The following KCNIP4 variants were observed in gnomAD, a reference collection of about 807,000 sequenced individuals.
KCNIP4 encodes the protein Kv channel-interacting protein 4.
A neutral mutation model predicts 34.0 loss-of-function variants in KCNIP4; 12 were observed. That is an observed-to-expected ratio of 0.35 (90% confidence interval 0.23 to 0.57). The LOEUF (loss-of-function observed/expected upper bound fraction) is 0.57. Among genes scored for constraint, KCNIP4 ranks in the 20% least tolerant of loss-of-function variants. KCNIP4 has a pLI of 0.83. For synonymous variants in KCNIP4, 124 were observed against 102.2 expected, an observed-to-expected ratio of 1.21 and a Z score of -1.29; for missense variants, 238 against 311.7, an observed-to-expected ratio of 0.76 and a Z score of 1.78.
At chr4:21,885,635 A>G (rs1726721500) in intron 1 of KCNIP4, among the ~76,000 whole-genome samples, 1 of 152,096 alleles carries the variant, frequency 6.6e-6, no homozygotes, top group Non-Finnish European at 1.5e-5. Flanking sequence ...CTTCCCACCA[A>G]ACAACCCTAA....
intron 3 of KCNIP4, among the ~76,000 whole-genome samples, chr4:20,806,681 A>G (rs1207956520): frequency 6.6e-6 from 1 of 152,232 alleles, no homozygotes; most frequent in Non-Finnish European, 1.5e-5. Flanking sequence ...AAATTACTCA[A>G]TATGAACTAA....
At chr4:20,901,824 T>C (rs542246196) in intron 1 of KCNIP4, among the ~76,000 whole-genome samples, 4 of 152,282 alleles carry the variant, frequency 2.6e-5, no homozygotes, top group Admixed American at 6.5e-5. Context: ...CACAGTGAGT[T>C]TGCAGTCATA....
chr4:20,854,944 T>G (rs1210098889), intron 2 of KCNIP4, among the ~76,000 whole-genome samples: 1 of 152,220 alleles, frequency 6.6e-6, no homozygotes, highest in Non-Finnish European at 1.5e-5. Context: ...AGGAATTTTG[T>G]GCCCATAGAT....
chr4:21,398,280 A>C (rs968101422), intron 1 of KCNIP4, among the ~76,000 whole-genome samples: 3 of 152,206 alleles, frequency 2.0e-5, no homozygotes, highest in Non-Finnish European at 2.9e-5. Context: ...TCTTAATTTG[A>C]ATGTTCAGAA....
At chr4:21,514,690 T>C (rs187072030) in intron 1 of KCNIP4, among the ~76,000 whole-genome samples, 66 of 152,044 alleles carry the variant, frequency 4.3e-4, no homozygotes, top group African/African-American at 1.5e-3. Context: ...AAAGGAGGGA[T>C]AGAAATAGGA....
chr4:20,848,598 C>A (rs182695602), intron 3 of KCNIP4, among the ~76,000 whole-genome samples: 169 of 152,152 alleles, frequency 1.1e-3, no homozygotes, highest in African/African-American at 3.9e-3. Flanking sequence ...ATGCTGGCTC[C>A]AAAGATTAAT....
intron 1 of KCNIP4, among the ~76,000 whole-genome samples, chr4:21,540,051 G>T (rs1737552000): frequency 6.6e-6 from 1 of 151,812 alleles, no homozygotes; most frequent in African/African-American, 2.4e-5. Context: ...GCTCAAATAG[G>T]AGTGAACAAA....
At chr4:21,349,537 A>C (rs972681563) in intron 1 of KCNIP4, among the ~76,000 whole-genome samples, 2 of 152,168 alleles carry the variant, frequency 1.3e-5, no homozygotes, top group African/African-American at 4.8e-5. Flanking sequence ...CGTAGAGAAA[A>C]TTGAGATGAG....
At chr4:21,936,273 GAAT>G (rs929220412) in intron 1 of KCNIP4, among the ~76,000 whole-genome samples, 14 of 152,174 alleles carry the variant, frequency 9.2e-5, no homozygotes, top group African/African-American at 3.4e-4. Context: ...TCTTGATGGT[GAAT>G]AAGTCTCACA....
chr4:21,876,429 TGG>T (rs2109374946), intron 1 of KCNIP4, among the ~76,000 whole-genome samples: 1 of 152,236 alleles, frequency 6.6e-6, no homozygotes, highest in African/African-American at 2.4e-5. Flanking sequence ...ATTCTATTGG[TGG>T]GTCCTGGGTT....
At chr4:21,544,417 A>C (rs1343716310) in intron 1 of KCNIP4, 1 of 152,232 alleles carries the variant, frequency 6.6e-6, no homozygotes, top group Non-Finnish European at 1.5e-5. Flanking sequence ...GTCTGGACAC[A>C]CTTGACTGGG....
chr4:20,861,889 A>G (rs1206287498), intron 2 of KCNIP4, among the ~76,000 whole-genome samples: 1 of 152,008 alleles, frequency 6.6e-6, no homozygotes, highest in Non-Finnish European at 1.5e-5. Context: ...ATTTTAAAAA[A>G]TAATCACCTA....
intron 1 of KCNIP4, among the ~76,000 whole-genome samples, chr4:20,937,274 G>T (rs1228624850): frequency 7.2e-5 from 7 of 97,518 alleles, no homozygotes; most frequent in Non-Finnish European, 9.4e-5. Context: ...TTGCTCTGTT[G>T]CCCAGGCTGG....
intron 1 of KCNIP4, among the ~76,000 whole-genome samples, chr4:21,284,636 A>G (rs1373294617): frequency 6.6e-6 from 1 of 152,150 alleles, no homozygotes. Flanking sequence ...ATCCATGGAG[A>G]TCTCCGAGGA....
chr4:21,149,301 G>T (rs772737283), intron 1 of KCNIP4, among the ~76,000 whole-genome samples: 3 of 152,076 alleles, frequency 2.0e-5, no homozygotes, highest in Non-Finnish European at 4.4e-5. Flanking sequence ...CTAGGAAGTG[G>T]GAATTAAATA....
chr4:21,862,031 A>G (rs1725106184), intron 1 of KCNIP4, among the ~76,000 whole-genome samples: 2 of 152,152 alleles, frequency 1.3e-5, no homozygotes, highest in Admixed American at 6.5e-5. Context: ...TCCACCTCTG[A>G]GCTTTTCATC....
At chr4:21,862,316 A>C (rs1725123305) in intron 1 of KCNIP4, among the ~76,000 whole-genome samples, 1 of 152,174 alleles carries the variant, frequency 6.6e-6, no homozygotes, top group African/African-American at 2.4e-5. Context: ...ATTCTTCAAC[A>C]AATATTGTTA....
chr4:21,143,262 G>T (rs1464495272), intron 1 of KCNIP4, among the ~76,000 whole-genome samples: 1 of 152,196 alleles, frequency 6.6e-6, no homozygotes, highest in Non-Finnish European at 1.5e-5. Context: ...GTGGCAGGGG[G>T]AGAAACAGAA....
intron 1 of KCNIP4, among the ~76,000 whole-genome samples, chr4:21,860,149 T>C (rs1043433350): frequency 3.3e-5 from 5 of 152,220 alleles, no homozygotes; most frequent in African/African-American, 1.2e-4. Flanking sequence ...GTTTTGTTTT[T>C]TTGAGATGAA....
Sources: gnomAD v4.1 joint callset for allele counts (sites outside exome capture counted in the v4.1 genomes callset) on GRCh38, gnomAD v4.1.1 for gene constraint, MANE v1.5 for transcripts, NCBI Gene and HGNC (gene_info 2026-07-23, HGNC 2026-07-21) for gene names.